Variants in MAPRE2 observed in about 807,000 individuals in gnomAD.
MAPRE2 encodes microtubule associated protein RP/EB family member 2, also known as microtubule-associated protein RP/EB family member 2.
Under a neutral mutation model 43.2 loss-of-function variants are expected in MAPRE2, and 13 were observed. The observed-to-expected ratio is 0.30, with a 90% CI of 0.20 to 0.48. The LOEUF (loss-of-function observed/expected upper bound fraction) is 0.48, where lower values mean the gene tolerates loss of function less well. MAPRE2 is among the 20% of genes least tolerant of loss of function. MAPRE2 has a pLI of 0.99. For missense variants in MAPRE2, 161 were observed against 400.2 expected (o/e 0.40, Z 5.10); for synonymous variants, 135 against 148.8 (o/e 0.91, Z 0.68).
intron 1 of MAPRE2, among the ~76,000 whole-genome samples, chr18:35,061,816 T>A (rs1030352783): frequency 2.0e-5 from 3 of 152,168 alleles, no homozygotes; most frequent in Admixed American, 1.3e-4. Flanking sequence ...TCCATCCTGA[T>A]CTCCCTCCTC....
intron 1 of MAPRE2, among the ~76,000 whole-genome samples, chr18:35,045,672 T>C (rs949691229): frequency 2.0e-5 from 3 of 152,212 alleles, no homozygotes; most frequent in Non-Finnish European, 4.4e-5. Flanking sequence ...ATAGAGGCTA[T>C]TGTAACATGG....
At chr18:35,055,929 TG>T in intron 1 of MAPRE2, among the ~76,000 whole-genome samples, 1 of 149,130 alleles carries the variant, frequency 6.7e-6, no homozygotes, top group Non-Finnish European at 1.5e-5. Flanking sequence ...CACTGCAGCC[TG>T]GGTGACACAG....
intron 4 of MAPRE2, among the ~76,000 whole-genome samples, chr18:35,118,180 A>G (rs1196223390): frequency 6.6e-6 from 1 of 152,162 alleles, no homozygotes; most frequent in Non-Finnish European, 1.5e-5. Flanking sequence ...AGAGGTCCTC[A>G]GGTGCTGACC....
chr18:35,099,779 C>T (rs1908589924), intron 3 of MAPRE2, among the ~76,000 whole-genome samples: 1 of 152,140 alleles, frequency 6.6e-6, no homozygotes, highest in Non-Finnish European at 1.5e-5. Context: ...TGGTATCTTC[C>T]AAAAGATTCC....
At position 35,070,249 on chromosome 18, in the gene MAPRE2, C is replaced by T. The variant is rs1031041492; in HGVS notation, c.177C>T (p.Ser59=). Residue 59 remains serine (S), a synonymous_variant, in exon 2 of 7, where the codon AGC becomes AGT. Transcript: ENST00000300249. ...YSTSITQETM[S]RHDIIAWVND... ...CCTCGATAACCCAAGAGACTATGAG[C>T]AGACATGACATCATTGCATGGGTTA... The T allele has an allele frequency of 2.5e-6, 4 of 1,611,276 alleles. No individual in the cohort carries two copies. Among genetic ancestry groups the T allele is most frequent in the Admixed American group, 1.7e-5 (1 of 59,726 alleles).
In MAPRE2 at chr18:35,116,986, TAG is replaced by T. The variant is rs1569009993; in HGVS notation, c.611-9957_611-9956del. The stretch of plus-strand genomic sequence containing the variant: ...ATGCTTTGTATTATAGAAAACACAT[TAG>T]AGAGGGCACAGTTAGAATCTCGTAA... On this transcript the variant is annotated intron_variant, in intron 4 of 6. Coordinates refer to ENST00000300249, the MANE Select transcript of MAPRE2 (RefSeq NM_014268.4). Among the ~76,000 whole-genome samples, 3 of 152,132 alleles carry T rather than the reference TAG, an allele frequency of 2.0e-5. No individual in the cohort carries two copies. In the South Asian group the frequency reaches 6.2e-4, roughly 32 times the overall value.
At chr18:35,121,140 A>T (rs1047698427) in intron 4 of MAPRE2, among the ~76,000 whole-genome samples, 2 of 152,244 alleles carry the variant, frequency 1.3e-5, no homozygotes, top group African/African-American at 4.8e-5. Context: ...CATGAAGGAT[A>T]AAGCCAAGTC....
chr18:35,123,827 C>G (rs1317708740), intron 4 of MAPRE2, among the ~76,000 whole-genome samples: 1 of 152,162 alleles, frequency 6.6e-6, no homozygotes, highest in African/African-American at 2.4e-5. Flanking sequence ...GGGTTAGGCA[C>G]TGTGATTGGT....
rs1029462803 is a variant in MAPRE2, at chr18:35,041,823, TG to T, written c.122+165del. 7 of 1,458,448 alleles carry T rather than the reference TG, an allele frequency of 4.8e-6. No homozygotes were observed. The Admixed American group carries it at 1.5e-4, about 31-fold the overall frequency. 90.3% of individuals were successfully genotyped at this position (1,458,448 alleles called of 1,614,324 possible). ...TGGTATCTGTTTCCATGTGTCATGT[TG>T]GGTTTGCATTGAGGCTCCGCGACTG... On this transcript the variant is annotated intron_variant, in intron 1 of 6. Coordinates refer to ENST00000300249, the MANE Select transcript of MAPRE2 (RefSeq NM_014268.4).
chr18:35,100,102 C>T (rs1257226604), intron 3 of MAPRE2, among the ~76,000 whole-genome samples: 1 of 152,150 alleles, frequency 6.6e-6, no homozygotes, highest in Admixed American at 6.5e-5. Flanking sequence ...TGCTTACACA[C>T]TCACACACAT....
chr18:35,076,269 T>A (rs1907348324), intron 2 of MAPRE2, among the ~76,000 whole-genome samples: 1 of 152,190 alleles, frequency 6.6e-6, no homozygotes, highest in African/African-American at 2.4e-5. Flanking sequence ...TGCCCTCAAA[T>A]AGCTCAGTAC....
rs1465715831 is a variant in MAPRE2 at position 34,985,247 on chromosome 18, A to T, written c.-70+8168A>T. On this transcript the variant is annotated intron_variant, in intron 1 of 7. Transcript: ENST00000413393. The stretch of plus-strand genomic sequence containing the variant: ...ATAATATTATATATTATATAATATA[A>T]AATATATAATATAATATATTATATA... Among the ~76,000 whole-genome samples the T allele has an allele frequency of 1.0e-3, 45 of 44,200 alleles. 1 individual carries two copies. Among genetic ancestry groups the T allele is most frequent in the African/African-American group, 4.4e-3 (42 of 9,586 alleles). The allele number at this position is 44,200 out of a possible 152,430, so 29.0% of individuals were successfully genotyped here.
intron 4 of MAPRE2, among the ~76,000 whole-genome samples, chr18:35,109,855 C>G (rs1006705114): frequency 6.6e-6 from 1 of 152,006 alleles, no homozygotes; most frequent in Non-Finnish European, 1.5e-5. Flanking sequence ...TTAGAGCTAC[C>G]GCATTATCAT....
At chr18:35,045,679 A>C (rs1905583561) in intron 1 of MAPRE2, among the ~76,000 whole-genome samples, 1 of 152,212 alleles carries the variant, frequency 6.6e-6, no homozygotes, top group African/African-American at 2.4e-5. Flanking sequence ...CTATTGTAAC[A>C]TGGCTCACTT....
intron 2 of MAPRE2, among the ~76,000 whole-genome samples, chr18:35,024,410 C>T (rs2097043848): frequency 6.6e-6 from 1 of 152,212 alleles, no homozygotes; most frequent in South Asian, 2.1e-4. Flanking sequence ...GTATCTTTTG[C>T]AATAGTTGCT....
intron 5 of MAPRE2, among the ~76,000 whole-genome samples, chr18:35,131,336 A>G (rs1428616764): frequency 6.6e-6 from 1 of 152,186 alleles, no homozygotes; most frequent in East Asian, 1.9e-4. Flanking sequence ...GAAGATGAAC[A>G]AGTATTTCAG....
chr18:34,999,864 A>G (rs2097028436), intron 1 of MAPRE2, among the ~76,000 whole-genome samples: 1 of 152,160 alleles, frequency 6.6e-6, no homozygotes, highest in Non-Finnish European at 1.5e-5. Context: ...GGGAAGTTGC[A>G]CAGGAGAGGG....
intron 1 of MAPRE2, among the ~76,000 whole-genome samples, chr18:35,057,507 C>CGTGTGTGTGTGTGTGTGT (rs58171272): frequency 0.014 from 2,107 of 149,494 alleles, 28 homozygotes; most frequent in East Asian, 0.03. Context: ...GGAGTGTGTG[C>CGTGTGTGTGTGTGTGTGT]GTGTGTGTGT....
Position 35,001,535 on chromosome 18 carries a change from C to T in MAPRE2, c.-69-3957C>T, listed in dbSNP as rs559785531. Reference sequence around the variant, plus strand: ...TCTCAAAAAAAAAAAAAAAAAGATACGTGATGTATCAAGCTGCTATTTCAA... The same window carrying T: ...TCTCAAAAAAAAAAAAAAAAAGATATGTGATGTATCAAGCTGCTATTTCAA... On this transcript the variant is annotated intron_variant, in intron 1 of 7. Coordinates refer to the MAPRE2 transcript ENST00000413393. 7.4e-5 allele frequency among the ~76,000 whole-genome samples: 11 copies of T among 149,264 alleles called. No homozygotes were observed. The East Asian group carries it at 1.8e-3, about 24-fold the overall frequency.
Sources: allele counts gnomAD v4.1 joint callset (sites outside exome capture counted in the v4.1 genomes callset), GRCh38; gene constraint gnomAD v4.1.1; transcripts MANE v1.5; gene names NCBI Gene and HGNC (gene_info 2026-07-23, HGNC 2026-07-21).